Variants in MICAL3 observed in about 807,000 individuals in gnomAD.
MICAL3 encodes the protein [F-actin]-monooxygenase MICAL3.
In MICAL3, 62 loss-of-function variants were observed where a neutral mutation model predicts 207.4. That is an observed-to-expected ratio of 0.30 (90% CI 0.24 to 0.37). The LOEUF is 0.37. MICAL3 is among the 10% of genes least tolerant of loss of function. The probability of loss-of-function intolerance (pLI) is 1.00; values close to 1 mark genes in which losing one functional copy is unlikely to be tolerated. For missense variants in MICAL3, 2,368 were observed against 2,635.6 expected, an observed-to-expected ratio of 0.90 and a Z score of 2.22; for synonymous variants, 1,077 against 1,069.3, an observed-to-expected ratio of 1.01 and a Z score of -0.14.
Position 17,900,796 on chromosome 22 carries a change from ACTATTTAAGTTT to A in MICAL3, c.847+34_847+45del. ...ATCCCCCAAGAAAAAGCCACCAGGG[ACTATTTAAGTTT>A]CTATCCTAGGGCTCCGGAGACATCA... On this transcript the variant is annotated intron_variant, in intron 6 of 31. Coordinates refer to ENST00000441493, the MANE Select transcript of MICAL3 (RefSeq NM_015241.3). The surrounding 1 kb of genome is among the most constrained non-coding windows in gnomAD (Gnocchi z 4.0). The A allele has an allele frequency of 6.3e-7, 1 of 1,586,556 alleles. No homozygotes were observed. Among genetic ancestry groups the A allele is most frequent in the Non-Finnish European group, 8.6e-7 (1 of 1,157,824 alleles).
chr22:17,899,299 G>A (rs912880022), intron 7 of MICAL3, 149 bp downstream of exon 7: 16 of 707,192 alleles, frequency 2.3e-5, no homozygotes, highest in African/African-American at 5.3e-5. Flanking sequence ...AGTTGTTCAC[G>A]CTAAACTGGA....
Position 17,896,783 on chromosome 22 carries a change from C to A in MICAL3, c.1147G>T (p.Val383Leu). The A allele has an allele frequency of 6.2e-7, 1 of 1,614,062 alleles. No homozygotes were observed. Residue 383 changes from valine to leucine, a missense_variant, in exon 8 of 32, where the codon GTG becomes TTG. Val to Leu is a conservative substitution (Grantham distance 32). Coordinates refer to ENST00000441493, the MANE Select transcript of MICAL3 (RefSeq NM_015241.3). ...CMYASENAAL[V>L]REQNGHQLLV... is the part of the protein sequence containing the mutation. The stretch of plus-strand genomic sequence containing the variant: ...AACTGGTGTCCGTTCTGCTCCCGCA[C>A]CAAGGCGGCGTTCTCGGAGGCATAC...
At chr22:17,845,005 T>G (rs555362436) in intron 19 of MICAL3, among the ~76,000 whole-genome samples, 1 of 152,304 alleles carries the variant, frequency 6.6e-6, no homozygotes, top group African/African-American at 2.4e-5. Flanking sequence ...CACCCCATAA[T>G]GAACAGGGGA....
rs550175615 is a variant in MICAL3, at chr22:17,926,662, G to C, written c.-74-19776C>G. On this transcript the variant is annotated intron_variant, in intron 1 of 31. Coordinates refer to ENST00000441493, the MANE Select transcript of MICAL3 (RefSeq NM_015241.3). ...CCATCTACCTAAGTCAGAACTCCAG[G>C]TGTTGGCCTCCACACCGCTCCTACT... is the stretch of plus-strand genomic sequence containing the variant. 2.6e-5 allele frequency among the ~76,000 whole-genome samples: 4 copies of C among 152,294 alleles called. No homozygotes were observed. In the East Asian group the frequency reaches 7.7e-4, roughly 29 times the overall value.
At chr22:17,988,025 C>T (rs1259974279) in intron 1 of MICAL3, among the ~76,000 whole-genome samples, 1 of 152,178 alleles carries the variant, frequency 6.6e-6, no homozygotes, top group East Asian at 1.9e-4. Flanking sequence ...ACCTGCTGCC[C>T]AGAACACCCG....
chr22:17,866,033 G>C (rs777144299), intron 17 of MICAL3, 21 bp from the exon 18 acceptor site: 4 of 1,581,218 alleles, frequency 2.5e-6, no homozygotes, highest in Non-Finnish European at 3.5e-6. Flanking sequence ...CAAGAGGCAG[G>C]GACAGAGGCG....
At position 17,817,986 on chromosome 22, in the gene MICAL3, G is replaced by A. The variant is rs1301653811; in HGVS notation, c.4675C>T (p.Pro1559Ser). 1 of 1,612,282 alleles carries A rather than the reference G, an allele frequency of 6.2e-7. No homozygotes were observed. Among genetic ancestry groups the A allele is most frequent in the African/African-American group, 1.3e-5 (1 of 74,928 alleles). Residue 1559 changes from proline to serine, a missense_variant, in exon 26 of 32, where the codon CCG (proline) becomes TCG (serine). Physicochemically the swap from Pro to Ser is moderately conservative, Grantham distance 74 (BLOSUM62 -1). Transcript: ENST00000441493. Reference sequence around the variant, plus strand: ...CTCCCGTTCTCCTTGGCCAGGGGCGGGTGGCGAGGCTTCTCGGGGCGCGGC... The same window carrying A: ...CTCCCGTTCTCCTTGGCCAGGGGCGAGTGGCGAGGCTTCTCGGGGCGCGGC... Reference protein sequence around the residue: ...CWPRPEKPRHPPLAKENGRLP... With the variant: ...CWPRPEKPRHSPLAKENGRLP...
chr22:17,872,354 T>C (rs1208487769), intron 16 of MICAL3, among the ~76,000 whole-genome samples: 1 of 151,766 alleles, frequency 6.6e-6, no homozygotes, highest in Admixed American at 6.6e-5. Flanking sequence ...CCGGGAAATA[T>C]CGACAAGAAA....
intron 1 of MICAL3, among the ~76,000 whole-genome samples, chr22:17,990,355 G>A (rs866711002): frequency 5.9e-5 from 9 of 151,976 alleles, no homozygotes; most frequent in Middle Eastern, 3.4e-3. Context: ...CCTGAAGACT[G>A]TCTCTGGATG....
At chr22:17,981,808 G>A (rs932343769) in intron 1 of MICAL3, among the ~76,000 whole-genome samples, 1 of 152,098 alleles carries the variant, frequency 6.6e-6, no homozygotes, top group African/African-American at 2.4e-5. Context: ...TTATAATGGC[G>A]GCAGTTAACA....
intron 20 of MICAL3, among the ~76,000 whole-genome samples, chr22:17,832,506 C>A (rs978025564): frequency 6.6e-6 from 1 of 152,196 alleles, no homozygotes; most frequent in Non-Finnish European, 1.5e-5. Context: ...AAACTCAAGC[C>A]ACAGCCCCAT....
intron 1 of MICAL3, among the ~76,000 whole-genome samples, chr22:17,982,787 A>G (rs2146442381): frequency 6.6e-6 from 1 of 152,020 alleles, no homozygotes; most frequent in East Asian, 1.9e-4. Flanking sequence ...AAATAAAATA[A>G]AATAAAATAA....
chr22:17,946,428 A>G (rs1478901641), intron 1 of MICAL3, among the ~76,000 whole-genome samples: 1 of 152,226 alleles, frequency 6.6e-6, no homozygotes, highest in African/African-American at 2.4e-5. Context: ...ACGGCCCCGG[A>G]GAGTTCTTTC....
intron 19 of MICAL3, among the ~76,000 whole-genome samples, chr22:17,845,565 A>G (rs2146084710): frequency 6.6e-6 from 1 of 152,116 alleles, no homozygotes; most frequent in Middle Eastern, 3.4e-3. Context: ...CTGGAGGCAT[A>G]TGGAGTTAGC....
chr22:17,921,808 C>G (rs775143185), intron 1 of MICAL3, among the ~76,000 whole-genome samples: 5 of 152,078 alleles, frequency 3.3e-5, no homozygotes, highest in Non-Finnish European at 7.4e-5. Context: ...TTAATCTAAA[C>G]TCGCTCCAAT....
At chr22:17,878,073 T>C (rs1335013720) in intron 16 of MICAL3, among the ~76,000 whole-genome samples, 2 of 152,146 alleles carry the variant, frequency 1.3e-5, no homozygotes, top group African/African-American at 2.4e-5. Flanking sequence ...CAGGATGGTC[T>C]CGATCTCCTG....
intron 1 of MICAL3, among the ~76,000 whole-genome samples, chr22:18,003,159 C>CAAA (rs770213307): frequency 9.3e-6 from 1 of 107,068 alleles, no homozygotes. Flanking sequence ...GACTCCATCT[C>CAAA]AAAAAAAAAA....
chr22:17,822,002 T>C lies in MICAL3; in HGVS notation c.3448+28A>G, dbSNP rs765588863. On this transcript the variant is annotated intron_variant, in intron 24 of 31. Coordinates refer to ENST00000441493, the MANE Select transcript of MICAL3 (RefSeq NM_015241.3). ...ATGGCCCTCGTAGGAATTCTGAAAG[T>C]TGTTTCTCCCATCAAAGACAGGCTC... The C allele has an allele frequency of 2.5e-6, 4 of 1,610,876 alleles. No individual in the cohort carries two copies. In the South Asian group the frequency reaches 3.3e-5, roughly 13 times the overall value.
chr22:17,854,167 T>C (rs1001845500), intron 19 of MICAL3, among the ~76,000 whole-genome samples: 1 of 152,282 alleles, frequency 6.6e-6, no homozygotes, highest in African/African-American at 2.4e-5. Context: ...TGGGGTGATT[T>C]TTCCCCTGGG....
Sources: allele counts gnomAD v4.1 joint callset (sites outside exome capture counted in the v4.1 genomes callset), GRCh38; gene constraint gnomAD v4.1.1; non-coding constraint Gnocchi (gnomAD v3.1); transcripts MANE v1.5; gene names NCBI Gene and HGNC (gene_info 2026-07-23, HGNC 2026-07-21).